The following DMD variants were observed in gnomAD, a reference collection of about 807,000 sequenced individuals.
DMD encodes the protein mutant dystrophin.
A neutral mutation model predicts 330.1 loss-of-function variants in DMD; 63 were observed. That is an observed-to-expected ratio of 0.19 (90% confidence interval 0.16 to 0.24). The LOEUF (loss-of-function observed/expected upper bound fraction) is 0.24, where lower values mean the gene tolerates loss of function less well. Among genes scored for constraint, DMD ranks in the 10% least tolerant of loss-of-function variants. The pLI, the probability that DMD is intolerant of heterozygous loss-of-function variation, is 1.00. For synonymous variants in DMD, 1,223 were observed against 959.8 expected (o/e 1.27, Z -5.07); for missense variants, 3,344 against 2,684.1 (o/e 1.25, Z -5.43).
chrX:32,702,951 A>C lies in DMD; in HGVS notation c.650-3658T>G, dbSNP rs145676699. Among the ~76,000 whole-genome samples the C allele has an allele frequency of 2.6e-3, 293 of 111,586 alleles. 1 individual carries two copies. The highest frequency in any genetic ancestry group is 9.2e-3 in the African/African-American group (282 of 30,732). On this transcript the variant is annotated intron_variant, in intron 7 of 78. Transcript: ENST00000357033. ...CTGATTGTTCTGCAGCCATGGTAAC[A>C]AGTAGACACCAACAAAAGTTTCAAT...
chrX:32,776,291 C>G (rs902291836), intron 7 of DMD, among the ~76,000 whole-genome samples: 4 of 108,860 alleles, frequency 3.7e-5, no homozygotes, highest in East Asian at 3.0e-4. Flanking sequence ...GACCCCCCCC[C>G]CAAATTGTTC....
intron 44 of DMD, among the ~76,000 whole-genome samples, chrX:32,076,678 C>A (rs967556457): frequency 9.0e-6 from 1 of 111,618 alleles, no homozygotes; most frequent in Non-Finnish European, 1.9e-5. Context: ...CCTGCCCGGC[C>A]CATAAGATTT....
At chrX:31,875,505 C>A in intron 47 of DMD, 132 bp from the exon 48 acceptor site, 7 of 496,729 alleles carry the variant, frequency 1.4e-5, no homozygotes, top group East Asian at 4.0e-5. Context: ...ATTTTAGCAG[C>A]ATAATATTGA....
At chrX:32,304,024 T>A (rs957387983) in intron 42 of DMD, among the ~76,000 whole-genome samples, 1 of 111,507 alleles carries the variant, frequency 9.0e-6, no homozygotes, top group South Asian at 3.7e-4. Context: ...TGGTTTATTG[T>A]CCCCATGTGA....
At chrX:33,212,612 A>T (rs766868365), upstream of DMD, among the ~76,000 whole-genome samples, 28 of 111,895 alleles carry the variant, frequency 2.5e-4, no homozygotes, top group East Asian at 3.1e-3. Context: ...GACTGCAATG[A>T]GTAATAGATA....
chrX:31,657,452 A>C, intron 54 of DMD, among the ~76,000 whole-genome samples: 1 of 112,111 alleles, frequency 8.9e-6, no homozygotes. Flanking sequence ...ATAAGGATAC[A>C]AGGCTTAGTT....
chrX:33,320,252 C>T (rs1473700711), intron 1 of DMD, among the ~76,000 whole-genome samples: 3 of 111,542 alleles, frequency 2.7e-5, no homozygotes, highest in Non-Finnish European at 1.9e-5. Flanking sequence ...TGCCATACTT[C>T]TATGTGATGT....
At chrX:31,996,913 A>G (rs1414159801) in intron 44 of DMD, among the ~76,000 whole-genome samples, 1 of 111,975 alleles carries the variant, frequency 8.9e-6, no homozygotes, top group Non-Finnish European at 1.9e-5. Context: ...GATGTCATCT[A>G]TGGGAAGGGA....
At chrX:31,469,529 C>T (rs897470340) in intron 59 of DMD, among the ~76,000 whole-genome samples, 18 of 112,166 alleles carry the variant, frequency 1.6e-4, no homozygotes, top group Non-Finnish European at 3.0e-4. Flanking sequence ...AGGGTTTCTG[C>T]CAAATGATCC....
chrX:31,468,700 T>TTAAG (rs1170827172), intron 59 of DMD, among the ~76,000 whole-genome samples: 14 of 111,623 alleles, frequency 1.3e-4, no homozygotes, highest in Non-Finnish European at 2.6e-4. Flanking sequence ...AGAGCTGAGT[T>TTAAG]TAAGTCCTGA....
At chrX:31,801,105 T>C (rs1361380461) in intron 50 of DMD, among the ~76,000 whole-genome samples, 2 of 111,695 alleles carry the variant, frequency 1.8e-5, no homozygotes, top group Non-Finnish European at 3.8e-5. Context: ...TCCGTTCTCA[T>C]GCTGCTATGA....
intron 26 of DMD, 148 bp downstream of exon 26, chrX:32,454,514 A>G: frequency 4.3e-6 from 2 of 463,951 alleles, no homozygotes; most frequent in South Asian, 7.3e-5. Context: ...TTAAACTTGA[A>G]GCTAAATTAA....
chrX:31,430,501 C>G (rs753453898), intron 60 of DMD, among the ~76,000 whole-genome samples: 5 of 111,502 alleles, frequency 4.5e-5, no homozygotes, highest in Non-Finnish European at 9.4e-5. Flanking sequence ...GGCCACCACC[C>G]ACAGAAGGTT....
chrX:31,651,620 G>A (rs934788482), intron 54 of DMD, among the ~76,000 whole-genome samples: 1 of 111,115 alleles, frequency 9.0e-6, no homozygotes, highest in Non-Finnish European at 1.9e-5. Context: ...GTTACTCCTG[G>A]AGCCTTCCCC....
chrX:32,898,505 G>C (rs186421633), intron 2 of DMD, among the ~76,000 whole-genome samples: 1 of 112,339 alleles, frequency 8.9e-6, no homozygotes, highest in Non-Finnish European at 1.9e-5. Context: ...CATAGGCAGT[G>C]CCTCCAAAGT....
In DMD at chrX:32,788,625, G is replaced by A. The variant is rs181233792; in HGVS notation, c.649+20868C>T. Among the ~76,000 whole-genome samples, 6 of 111,849 alleles carry A rather than the reference G, an allele frequency of 5.4e-5. No homozygotes were observed. In the East Asian group the frequency reaches 1.4e-3, roughly 26 times the overall value. On this transcript the variant is annotated intron_variant, in intron 7 of 78. Coordinates refer to ENST00000357033, the MANE Select transcript of DMD (RefSeq NM_004006.3). ...CAGGCTCCAAAGTTCATTATGTCCT[G>A]TCAGTAAAAGTTGCATATCTGGCTA...
intron 17 of DMD, among the ~76,000 whole-genome samples, chrX:32,525,492 T>TTTAGG (rs2046855853): frequency 8.9e-6 from 1 of 111,766 alleles, no homozygotes; most frequent in Non-Finnish European, 1.9e-5. Context: ...TTCAGTGACA[T>TTTAGG]TTTCAATGCA....
At chrX:31,208,986 G>C (rs1054773752) in intron 65 of DMD, among the ~76,000 whole-genome samples, 1 of 111,863 alleles carries the variant, frequency 8.9e-6, no homozygotes, top group East Asian at 2.8e-4. Context: ...AAAAGAAAAC[G>C]AAAAATGTTC....
chrX:33,171,727 T>G, intron 1 of DMD, among the ~76,000 whole-genome samples: 1 of 111,765 alleles, frequency 8.9e-6, no homozygotes, highest in Middle Eastern at 4.6e-3. Context: ...TGGTCAGATA[T>G]ACTTTTACTG....
Sources: allele counts gnomAD v4.1 joint callset (sites outside exome capture counted in the v4.1 genomes callset), GRCh38; gene constraint gnomAD v4.1.1; transcripts MANE v1.5; gene names NCBI Gene and HGNC (gene_info 2026-07-23, HGNC 2026-07-21).